Variants in PTDSS2 observed in about 807,000 individuals in gnomAD.
PTDSS2 encodes the protein phosphatidylserine synthase 2, also known as PSS-2.
In PTDSS2, 41 loss-of-function variants were observed where a neutral mutation model predicts 64.7. The ratio of observed to expected loss-of-function variants is 0.63; its 90% CI spans 0.49 to 0.82. The LOEUF (loss-of-function observed/expected upper bound fraction) is 0.82. Among genes scored for constraint, PTDSS2 ranks in the 40% least tolerant of loss-of-function variants. The pLI is 0.00. For missense variants in PTDSS2, 485 were observed against 650.0 expected, an observed-to-expected ratio of 0.75 and a Z score of 2.76; for synonymous variants, 297 against 277.8, an observed-to-expected ratio of 1.07 and a Z score of -0.69.
intron 1 of PTDSS2, chr11:458,940 G>A (rs1296069295): frequency 6.6e-6 from 1 of 152,222 alleles, no homozygotes; most frequent in East Asian, 1.9e-4. Flanking sequence ...TTTTCATGAT[G>A]TCCTTGGAAG....
chr11:490,134 C>T, intron 11 of PTDSS2, 66 bp downstream of exon 11: 1 of 1,494,438 alleles, frequency 6.7e-7, no homozygotes, highest in Non-Finnish European at 9.0e-7. Flanking sequence ...GGCACAGGCA[C>T]TGTGGGAGTT....
At chr11:486,184 C>G (rs1183672279) in intron 4 of PTDSS2, among the ~76,000 whole-genome samples, 1 of 152,224 alleles carries the variant, frequency 6.6e-6, no homozygotes, top group East Asian at 1.9e-4. Context: ...GCCTGCCTTG[C>G]CCTAAGGTCA....
chr11:453,313 T>G (rs77910374), intron 1 of PTDSS2, among the ~76,000 whole-genome samples: 5,969 of 152,022 alleles, frequency 0.039, 270 homozygotes, highest in East Asian at 0.16. Context: ...TGGAAATTGT[T>G]TGGGAGAACA....
rs1433190491 is a variant in PTDSS2, at chr11:489,644, G to A, written c.1026G>A (p.Pro342=). ...FYLKFVLWMP[P]EHYLVLLRLV... is the part of the protein sequence containing the mutation. The stretch of plus-strand genomic sequence containing the variant: ...TGAAGTTTGTGCTGTGGATGCCCCC[G>A]GAGCACTACCTGGTCCTCCTGCGGC... Residue 342 remains proline (P), a synonymous_variant, in exon 10 of 12, where the codon CCG becomes CCA. Coordinates refer to ENST00000308020, the MANE Select transcript of PTDSS2 (RefSeq NM_030783.3). 1.5e-5 allele frequency: 24 copies of A among 1,597,790 alleles called. No homozygotes were observed. The highest frequency in any genetic ancestry group is 1.7e-4 in the Middle Eastern group (1 of 6,060).
rs1407435764 is a variant in PTDSS2 at position 490,770 on chromosome 11, A to ACGTGTGTACGTGTGTATG, written c.*196_*213dup. 14 of 576,136 alleles carry ACGTGTGTACGTGTGTATG rather than the reference A, an allele frequency of 2.4e-5. No homozygotes were observed. The highest frequency in any genetic ancestry group is 3.7e-5 in the Non-Finnish European group (12 of 325,370). The allele number at this position is 576,136 out of a possible 1,614,324, so 35.7% of individuals were successfully genotyped here. On this transcript the variant is annotated 3_prime_UTR_variant, in exon 12 of 12. Transcript: ENST00000308020. ...AGCACAGCCTCATCTCCATGTGTACACGTGTGTACGTGTGTATGCGTGTGT... is the reference window on the plus strand; with the variant it reads ...AGCACAGCCTCATCTCCATGTGTACACGTGTGTACGTGTGTATGCGTGTGTACGTGTGTATGCGTGTGT...
chr11:449,516 G>A (rs995674909), upstream of PTDSS2, among the ~76,000 whole-genome samples: 8 of 152,266 alleles, frequency 5.3e-5, no homozygotes, highest in African/African-American at 1.9e-4. Context: ...TTCCAGGTTT[G>A]AGGAGCTGCC....
intron 3 of PTDSS2, among the ~76,000 whole-genome samples, chr11:477,602 C>G (rs1285679113): frequency 6.6e-6 from 1 of 152,210 alleles, no homozygotes; most frequent in African/African-American, 2.4e-5. Flanking sequence ...ACAGGAGAAA[C>G]ATGAGAAAGA....
chr11:466,127 A>AC (rs2133783253), intron 2 of PTDSS2, among the ~76,000 whole-genome samples: 1 of 152,290 alleles, frequency 6.6e-6, no homozygotes, highest in South Asian at 2.1e-4. Flanking sequence ...TAATCCCAGC[A>AC]CTTTGGGAGG....
intron 2 of PTDSS2, among the ~76,000 whole-genome samples, chr11:471,293 T>C (rs1847416419): frequency 6.6e-6 from 1 of 151,794 alleles, no homozygotes; most frequent in African/African-American, 2.4e-5. Flanking sequence ...GACAGGAGTT[T>C]CATGTCGGCC....
intron 3 of PTDSS2, among the ~76,000 whole-genome samples, chr11:474,249 GCCT>G (rs1288234101): frequency 2.0e-5 from 3 of 152,138 alleles, no homozygotes; most frequent in Non-Finnish European, 4.4e-5. Flanking sequence ...TCCTGCTTCT[GCCT>G]CCTCTTTCCA....
chr11:481,416 C>T (rs528407042), intron 4 of PTDSS2, among the ~76,000 whole-genome samples: 1 of 152,334 alleles, frequency 6.6e-6, no homozygotes, highest in East Asian at 1.9e-4. Context: ...ATGGGGATTG[C>T]ATCGAATCTG....
chr11:465,276 C>T (rs1847091162), intron 2 of PTDSS2, among the ~76,000 whole-genome samples: 1 of 152,210 alleles, frequency 6.6e-6, no homozygotes, highest in Non-Finnish European at 1.5e-5. Flanking sequence ...CTGTAGCCTC[C>T]AACTCCTGGC....
intron 2 of PTDSS2, among the ~76,000 whole-genome samples, chr11:472,788 T>A (rs1305457910): frequency 6.6e-6 from 1 of 152,240 alleles, no homozygotes; most frequent in African/African-American, 2.4e-5. Flanking sequence ...ATAGCGTGTC[T>A]CTGTGGCCCC....
chr11:456,617 G>A (rs1846608979), intron 1 of PTDSS2, among the ~76,000 whole-genome samples: 2 of 152,222 alleles, frequency 1.3e-5, no homozygotes, highest in African/African-American at 4.8e-5. Context: ...CCCCAGCTGA[G>A]CCCAGCCCGT....
chr11:490,371 A>G, intron 11 of PTDSS2, 49 bp from the exon 12 acceptor site: 1 of 1,611,572 alleles, frequency 6.2e-7, no homozygotes, highest in Non-Finnish European at 8.5e-7. Context: ...TGGGGCCTGC[A>G]GTGGGGCTGG....
Position 466,892 on chromosome 11 carries a change from A to G in PTDSS2, c.284+6604A>G, listed in dbSNP as rs575892762. The stretch of plus-strand genomic sequence containing the variant: ...TCACATGGCAAAACCCCGTCTCTAC[A>G]AAAAATACAAAAATTAGCCAGGCGT... On this transcript the variant is annotated intron_variant, in intron 2 of 11. Transcript: ENST00000308020. Among the ~76,000 whole-genome samples, 5 of 152,156 alleles carry G rather than the reference A, an allele frequency of 3.3e-5. No homozygotes were observed. In the East Asian group the frequency reaches 9.7e-4, roughly 29 times the overall value.
intron 2 of PTDSS2, among the ~76,000 whole-genome samples, chr11:472,369 G>A (rs1046174150): frequency 3.9e-5 from 6 of 152,326 alleles, no homozygotes; most frequent in African/African-American, 1.4e-4. Flanking sequence ...GAGGGGTACC[G>A]GTGACAGGGA....
At chr11:480,091 AC>A (rs1328723286) in intron 4 of PTDSS2, 4 of 153,416 alleles carry the variant, frequency 2.6e-5, no homozygotes, top group Non-Finnish European at 5.8e-5. Flanking sequence ...CTGACCCCTG[AC>A]AGCTGGTGAG....
At position 462,430 on chromosome 11, in the gene PTDSS2, G is replaced by A. The variant is rs1268023677; in HGVS notation, c.284+2142G>A. 6.6e-6 allele frequency among the ~76,000 whole-genome samples: 1 copy of A among 152,206 alleles called. No individual in the cohort carries two copies. Among genetic ancestry groups the A allele is most frequent in the East Asian group, 1.9e-4 (1 of 5,198 alleles). ...GGGGCCCTGGGCACTCTTCTCTGAG[G>A]TTCTGTTCTGGGGACACTAAACGCG... is the stretch of plus-strand genomic sequence containing the variant. On this transcript the variant is annotated intron_variant, in intron 2 of 11. Transcript: ENST00000308020. The surrounding 1 kb of genome is among the most constrained non-coding windows in gnomAD (Gnocchi z 4.5).
Sources: gnomAD v4.1 joint callset for allele counts (sites outside exome capture counted in the v4.1 genomes callset) on GRCh38, gnomAD v4.1.1 for gene constraint, Gnocchi (gnomAD v3.1) non-coding constraint, MANE v1.5 for transcripts, NCBI Gene and HGNC (gene_info 2026-07-23, HGNC 2026-07-21) for gene names.